RYR2: variants seen among roughly 807,000 people sequenced by gnomAD.
RYR2 encodes the protein cardiac muscle ryanodine receptor-calcium release channel.
Under a neutral mutation model 601.1 loss-of-function variants are expected in RYR2, and 227 were observed. The ratio of observed to expected loss-of-function variants is 0.38; its 90% CI spans 0.34 to 0.42. RYR2 has a LOEUF of 0.42. Among genes scored for constraint, RYR2 ranks in the 10% least tolerant of loss-of-function variants. RYR2 has a pLI of 1.00. For missense variants in RYR2, 4,646 were observed against 6,156.5 expected (o/e 0.75, Z 8.21); for synonymous variants, 2,223 against 2,175.1 (o/e 1.02, Z -0.61).
chr1:237,573,231 T>TACACACACACACAC (rs10556537), intron 29 of RYR2, among the ~76,000 whole-genome samples: 1 of 148,824 alleles, frequency 6.7e-6, no homozygotes, highest in African/African-American at 2.5e-5. Context: ...GATATACACA[T>TACACACACACACAC]ACACACACAC....
intron 2 of RYR2, among the ~76,000 whole-genome samples, chr1:237,297,679 T>C (rs1204289432): frequency 6.6e-6 from 1 of 151,904 alleles, no homozygotes; most frequent in Non-Finnish European, 1.5e-5. Flanking sequence ...TAAAAGAGTA[T>C]TCCTAATATA....
At chr1:237,225,062 T>C (rs1684214657) in intron 1 of RYR2, among the ~76,000 whole-genome samples, 1 of 152,212 alleles carries the variant, frequency 6.6e-6, no homozygotes, top group African/African-American at 2.4e-5. Flanking sequence ...GTTTGTTTTC[T>C]GTTGCATAAC....
intron 62 of RYR2, among the ~76,000 whole-genome samples, chr1:237,685,133 A>T (rs1027805440): frequency 3.9e-5 from 6 of 152,186 alleles, no homozygotes; most frequent in African/African-American, 1.4e-4. Flanking sequence ...ATGCCTTATA[A>T]ATTCTGGAGA....
At chr1:237,116,840 C>T (rs1670135845) in intron 1 of RYR2, among the ~76,000 whole-genome samples, 1 of 152,086 alleles carries the variant, frequency 6.6e-6, no homozygotes, top group African/African-American at 2.4e-5. Flanking sequence ...TCTATTCAGG[C>T]CCTGAATGGA....
chr1:237,623,359 G>GTTTC (rs1189274935), intron 38 of RYR2, among the ~76,000 whole-genome samples: 3 of 48,940 alleles, frequency 6.1e-5, no homozygotes, highest in African/African-American at 1.7e-4. Context: ...GCCTTTCTTT[G>GTTTC]TTTCTTTCTT....
intron 29 of RYR2, among the ~76,000 whole-genome samples, chr1:237,575,584 T>C (rs1221748103): frequency 6.6e-6 from 1 of 151,952 alleles, no homozygotes; most frequent in African/African-American, 2.4e-5. Context: ...TCTTACCACA[T>C]AATTATTTTC....
chr1:237,300,978 A>C (rs985981677), intron 2 of RYR2, among the ~76,000 whole-genome samples: 1 of 152,056 alleles, frequency 6.6e-6, no homozygotes, highest in African/African-American at 2.4e-5. Context: ...GACTCACTAG[A>C]TGTTTGTGAA....
intron 2 of RYR2, among the ~76,000 whole-genome samples, chr1:237,329,408 G>A (rs535304810): frequency 9.9e-5 from 15 of 152,136 alleles, no homozygotes; most frequent in Middle Eastern, 3.4e-3. Flanking sequence ...TTGGGAGGCC[G>A]AGGTGGGGCG....
At chr1:237,504,668 T>C (rs1210003349) in intron 22 of RYR2, among the ~76,000 whole-genome samples, 3 of 152,112 alleles carry the variant, frequency 2.0e-5, no homozygotes, top group Non-Finnish European at 4.4e-5. Context: ...AATTTTAAGG[T>C]ATAATAGTGT....
At chr1:237,492,334 C>T (rs1663453089) in intron 18 of RYR2, among the ~76,000 whole-genome samples, 2 of 152,166 alleles carry the variant, frequency 1.3e-5, no homozygotes, top group African/African-American at 4.8e-5. Flanking sequence ...GCCTGGGCTT[C>T]ATCTCTTAAT....
intron 98 of RYR2, among the ~76,000 whole-genome samples, chr1:237,804,089 TAGTA>T (rs1172440991): frequency 5.9e-5 from 9 of 152,254 alleles, no homozygotes; most frequent in African/African-American, 1.7e-4. Flanking sequence ...GACCAGCACT[TAGTA>T]GGTGCTAAAG....
intron 29 of RYR2, among the ~76,000 whole-genome samples, chr1:237,583,707 T>C (rs959207716): frequency 2.0e-5 from 3 of 152,174 alleles, no homozygotes; most frequent in African/African-American, 7.2e-5. Flanking sequence ...TTTGAAATAA[T>C]TTATTCTTAG....
At chr1:237,641,088 A>G in intron 47 of RYR2, 86 bp downstream of exon 47, 1 of 811,432 alleles carries the variant, frequency 1.2e-6, no homozygotes. Flanking sequence ...ACAGCATCCA[A>G]AACCAATAAT....
intron 46 of RYR2, among the ~76,000 whole-genome samples, chr1:237,640,565 G>A (rs189128114): frequency 3.3e-4 from 51 of 152,248 alleles, no homozygotes; most frequent in African/African-American, 1.0e-3. Context: ...AAGCTCACAC[G>A]TCCTTTGATC....
intron 18 of RYR2, 82 bp from the exon 19 acceptor site, chr1:237,492,872 A>T: frequency 5.9e-6 from 6 of 1,012,938 alleles, no homozygotes; most frequent in Admixed American, 2.9e-5. Context: ...AGGAAGGAAG[A>T]AGGGAAGGAA....
intron 38 of RYR2, among the ~76,000 whole-genome samples, chr1:237,618,782 G>A (rs1678767690): frequency 6.6e-6 from 1 of 152,214 alleles, no homozygotes; most frequent in South Asian, 2.1e-4. Context: ...AGGTGTCCCA[G>A]TAGAGGACAG....
chr1:237,236,625 A>C (rs1261377992), intron 1 of RYR2, among the ~76,000 whole-genome samples: 1 of 152,236 alleles, frequency 6.6e-6, no homozygotes, highest in Non-Finnish European at 1.5e-5. Flanking sequence ...ATTAAAAATA[A>C]ATAACAAAAA....
At position 237,819,276 on chromosome 1, in the gene RYR2, G is replaced by C. The variant is rs1159809660; in HGVS notation, c.14590+84G>C. On this transcript the variant is annotated intron_variant, in intron 101 of 104. Coordinates refer to ENST00000366574, the MANE Select transcript of RYR2 (RefSeq NM_001035.3). This position sits in a 1 kb window ranked among gnomAD's most constrained non-coding sequence, Gnocchi z 4.0. ...AAGTTAATATTCAAGGTAGGGTAATGACGTCAAGTGTTTCCTGGCAAAGCC... is the reference window on the plus strand; with the variant it reads ...AAGTTAATATTCAAGGTAGGGTAATCACGTCAAGTGTTTCCTGGCAAAGCC... 7.7e-7 allele frequency: 1 copy of C among 1,293,714 alleles called. No homozygotes were observed. Among genetic ancestry groups the C allele is most frequent in the Non-Finnish European group, 1.1e-6 (1 of 919,198 alleles). 80.1% of individuals were successfully genotyped at this position (1,293,714 alleles called of 1,614,324 possible). A position where few individuals can be genotyped will look rare whatever the true frequency, so the allele number is the denominator to read the frequency against.
intron 27 of RYR2, among the ~76,000 whole-genome samples, chr1:237,565,831 T>TC (rs770295639): frequency 6.6e-6 from 1 of 152,170 alleles, no homozygotes; most frequent in Admixed American, 6.5e-5. Flanking sequence ...TTCTGAGACT[T>TC]CCCCCTCTCG....
Sources: allele counts gnomAD v4.1 joint callset (sites outside exome capture counted in the v4.1 genomes callset), GRCh38; gene constraint gnomAD v4.1.1; non-coding constraint Gnocchi (gnomAD v3.1); transcripts MANE v1.5; gene names NCBI Gene and HGNC (gene_info 2026-07-23, HGNC 2026-07-21).